GRID1: variants seen among roughly 807,000 people sequenced by gnomAD.
GRID1 encodes the protein glutamate receptor ionotropic, delta-1.
A neutral mutation model predicts 98.0 loss-of-function variants in GRID1; 28 were observed. The ratio of observed to expected loss-of-function variants is 0.29; its 90% confidence interval spans 0.21 to 0.39. The LOEUF is 0.39. Ranked by LOEUF, GRID1 falls within the 10% of genes least tolerant of loss-of-function variation. The pLI is 1.00. For missense variants in GRID1, 1,111 were observed against 1,340.5 expected (o/e 0.83, Z 2.67); for synonymous variants, 553 against 538.5 (o/e 1.03, Z -0.37).
intron 8 of GRID1, among the ~76,000 whole-genome samples, chr10:85,853,148 G>T (rs1375878232): frequency 6.6e-6 from 1 of 151,806 alleles, no homozygotes; most frequent in African/African-American, 2.4e-5. Context: ...GCTCTACACG[G>T]CTCCCTCCCT....
intron 4 of GRID1, among the ~76,000 whole-genome samples, chr10:85,961,593 C>T (rs750509829): frequency 2.0e-5 from 3 of 149,866 alleles, no homozygotes; most frequent in Non-Finnish European, 4.4e-5. Context: ...TTTACCTTCT[C>T]TCCCTCCTTC....
chr10:86,072,000 C>A (rs1376034939), intron 4 of GRID1, among the ~76,000 whole-genome samples: 2 of 151,910 alleles, frequency 1.3e-5, no homozygotes, highest in African/African-American at 4.8e-5. Flanking sequence ...GGGGCTGGTG[C>A]GAGGAAGAAA....
In GRID1 at chr10:86,105,608, G is replaced by A. The variant is rs79013863; in HGVS notation, c.726+33211C>T. Among the ~76,000 whole-genome samples the A allele has an allele frequency of 6.9e-3, 1,049 of 152,208 alleles. 36 individuals carry two copies. The highest frequency in any genetic ancestry group is 0.056 in the Admixed American group (856 of 15,290). ...CAGCTGCCCCTCCCCAGCAGTGTCC[G>A]GGGCACACGGAGCCTTCATTCCCCA... On this transcript the variant is annotated intron_variant, in intron 4 of 15. Coordinates refer to ENST00000327946, the MANE Select transcript of GRID1 (RefSeq NM_017551.3).
At chr10:85,793,595 G>A (rs1228148164) in intron 8 of GRID1, among the ~76,000 whole-genome samples, 1 of 152,186 alleles carries the variant, frequency 6.6e-6, no homozygotes, top group Non-Finnish European at 1.5e-5. Context: ...TTCAGGGTCT[G>A]ATGGTCTCTG....
intron 2 of GRID1, among the ~76,000 whole-genome samples, chr10:86,269,897 G>A (rs1452249186): frequency 3.3e-5 from 5 of 152,108 alleles, no homozygotes; most frequent in South Asian, 2.1e-4. Context: ...ACTGTACTAC[G>A]GGCACTAAGA....
rs1589327378 is a variant in GRID1 at position 85,991,386 on chromosome 10, G to A, written c.727-75147C>T. ...TTGCCTGTGAAACATCCAGGTGGAT[G>A]CGAAGGCTCACAGGAAAAGCCTGGG... On this transcript the variant is annotated intron_variant, in intron 4 of 15. Coordinates refer to ENST00000327946, the MANE Select transcript of GRID1 (RefSeq NM_017551.3). Among the ~76,000 whole-genome samples, 6 of 152,316 alleles carry A rather than the reference G, an allele frequency of 3.9e-5. 2 individuals are homozygous for A.
At chr10:85,951,611 T>G (rs1477991005) in intron 4 of GRID1, among the ~76,000 whole-genome samples, 1 of 152,204 alleles carries the variant, frequency 6.6e-6, no homozygotes, top group Non-Finnish European at 1.5e-5. Flanking sequence ...GAAGTTTCAT[T>G]GCACATTATC....
rs1460330620 is a variant in GRID1 at position 85,854,549 on chromosome 10, A to G, written c.1180T>C (p.Phe394Leu). 1 of 1,613,700 alleles carries G rather than the reference A, an allele frequency of 6.2e-7. No individual in the cohort carries two copies. ...REDSSNPYVQ[F>L]EILGTTYSET... ...CTATAGGTAGTGCCAAGGATTTCAA[A>G]CTGGACATAGGGATTCGAACTGTCC... is the stretch of plus-strand genomic sequence containing the variant. Residue 394 changes from phenylalanine to leucine, a missense_variant, in exon 8 of 16, where the codon TTT becomes CTT. Phe to Leu is a conservative substitution (Grantham distance 22). Around this residue, in one of 3 missense-constraint regions of GRID1, gnomAD observed 762 missense variants for 869.1 expected, o/e 0.88. Transcript: ENST00000327946.
chr10:85,813,483 A>G (rs1842690922), intron 8 of GRID1, among the ~76,000 whole-genome samples: 1 of 151,072 alleles, frequency 6.6e-6, no homozygotes, highest in Non-Finnish European at 1.5e-5. Flanking sequence ...AAGAACTGTC[A>G]AACCAGAATT....
chr10:86,057,689 G>A (rs1843593510), intron 4 of GRID1, among the ~76,000 whole-genome samples: 3 of 152,054 alleles, frequency 2.0e-5, no homozygotes, highest in Non-Finnish European at 2.9e-5. Context: ...AAGGACCACT[G>A]CCTCAGGGAA....
intron 3 of GRID1, among the ~76,000 whole-genome samples, chr10:86,180,432 C>A (rs1845638960): frequency 6.6e-6 from 1 of 152,102 alleles, no homozygotes. Context: ...CCTCAGAGTG[C>A]CCCATACTGA....
At chr10:86,162,736 T>G (rs1478271478) in intron 3 of GRID1, among the ~76,000 whole-genome samples, 1 of 152,192 alleles carries the variant, frequency 6.6e-6, no homozygotes, top group African/African-American at 2.4e-5. Context: ...ACCCACTGCT[T>G]GGAGAAATCA....
At chr10:85,925,071 G>A (rs987814801) in intron 4 of GRID1, among the ~76,000 whole-genome samples, 3 of 152,184 alleles carry the variant, frequency 2.0e-5, no homozygotes, top group African/African-American at 7.2e-5. Context: ...CTGCTCACAG[G>A]CACGATCTGT....
chr10:85,806,976 T>C (rs1364373060), intron 8 of GRID1, among the ~76,000 whole-genome samples: 2 of 152,180 alleles, frequency 1.3e-5, no homozygotes, highest in African/African-American at 4.8e-5. Context: ...AATGTAAGAA[T>C]ATATATTTTA....
chr10:85,692,210 C>A (rs547272901), intron 12 of GRID1, among the ~76,000 whole-genome samples: 1 of 152,152 alleles, frequency 6.6e-6, no homozygotes, highest in Non-Finnish European at 1.5e-5. Context: ...TTACCCAACC[C>A]TACTATGTGC....
intron 12 of GRID1, among the ~76,000 whole-genome samples, chr10:85,684,506 T>A (rs191727779): frequency 5.3e-5 from 8 of 152,204 alleles, no homozygotes; most frequent in Admixed American, 5.2e-4. Context: ...TTCACAGATA[T>A]AGAAAAAGCA....
chr10:85,840,060 A>C (rs1455577805), intron 8 of GRID1, among the ~76,000 whole-genome samples: 1 of 152,126 alleles, frequency 6.6e-6, no homozygotes. Context: ...CCACGAAGAA[A>C]CTGAAACCCT....
chr10:85,677,261 G>A (rs1271238107), intron 12 of GRID1, among the ~76,000 whole-genome samples: 3 of 152,216 alleles, frequency 2.0e-5, no homozygotes, highest in South Asian at 2.1e-4. Flanking sequence ...ACCAGGGTCT[G>A]GGTATGAGGG....
intron 12 of GRID1, among the ~76,000 whole-genome samples, chr10:85,658,299 GA>G (rs1840926469): frequency 6.6e-6 from 1 of 152,144 alleles, no homozygotes; most frequent in South Asian, 2.1e-4. Flanking sequence ...TGATATACCA[GA>G]AGAAAGATAC....
Sources: allele counts gnomAD v4.1 joint callset (sites outside exome capture counted in the v4.1 genomes callset), GRCh38; gene constraint gnomAD v4.1.1; regional missense constraint gnomAD v4.1.1; transcripts MANE v1.5; gene names NCBI Gene and HGNC (gene_info 2026-07-23, HGNC 2026-07-21).